Variants in GRIA4 observed in about 807,000 individuals in gnomAD.
The protein encoded by GRIA4 is glutamate receptor 4.
Under a neutral mutation model 104.0 loss-of-function variants are expected in GRIA4, and 34 were observed. The observed-to-expected ratio is 0.33, with a 90% CI of 0.25 to 0.44. The LOEUF is 0.44. Ranked by LOEUF, GRIA4 falls within the 20% of genes least tolerant of loss-of-function variation. The pLI is 1.00. For synonymous variants in GRIA4, 386 were observed against 381.9 expected (o/e 1.01, Z -0.13); for missense variants, 750 against 1,096.5 (o/e 0.68, Z 4.46).
intron 3 of GRIA4, among the ~76,000 whole-genome samples, chr11:105,704,219 A>C (rs750401426): frequency 1.3e-5 from 2 of 152,108 alleles, no homozygotes; most frequent in Non-Finnish European, 1.5e-5. Flanking sequence ...AGTTGTGGGA[A>C]GTGCTAAGAA....
chr11:105,626,939 A>T (rs1276585585), intron 3 of GRIA4, among the ~76,000 whole-genome samples: 1 of 152,198 alleles, frequency 6.6e-6, no homozygotes, highest in Non-Finnish European at 1.5e-5. Context: ...TATTTAGAGG[A>T]GCATAGATAT....
chr11:105,958,442 C>A (rs531815424), intron 14 of GRIA4, among the ~76,000 whole-genome samples: 2 of 152,276 alleles, frequency 1.3e-5, no homozygotes, highest in Non-Finnish European at 2.9e-5. Flanking sequence ...TTGAACCAGC[C>A]TTTCATCCCA....
intron 4 of GRIA4, among the ~76,000 whole-genome samples, chr11:105,773,408 G>A (rs1941303673): frequency 6.6e-6 from 1 of 151,902 alleles, no homozygotes; most frequent in Admixed American, 6.6e-5. Flanking sequence ...TATAATAACT[G>A]AATTCATAAT....
At chr11:105,955,049 AG>A (rs1453571927) in intron 14 of GRIA4, among the ~76,000 whole-genome samples, 1 of 151,740 alleles carries the variant, frequency 6.6e-6, no homozygotes, top group Non-Finnish European at 1.5e-5. Context: ...GATTGCTCTA[AG>A]GGGAATTATT....
chr11:105,735,750 C>T (rs1165059387), intron 3 of GRIA4, among the ~76,000 whole-genome samples: 1 of 152,076 alleles, frequency 6.6e-6, no homozygotes, highest in Non-Finnish European at 1.5e-5. Flanking sequence ...TAGATAGTCT[C>T]TAAAGTCTCA....
intron 3 of GRIA4, among the ~76,000 whole-genome samples, chr11:105,655,931 T>C (rs1190211959): frequency 2.0e-5 from 3 of 152,184 alleles, no homozygotes; most frequent in Non-Finnish European, 4.4e-5. Flanking sequence ...ATGGTTGAAC[T>C]AATTTACACT....
Position 105,688,681 on chromosome 11 carries a change from A to G in GRIA4, c.248-64300A>G, listed in dbSNP as rs145793647. On this transcript the variant is annotated intron_variant, in intron 3 of 16. Coordinates refer to ENST00000282499, the MANE Select transcript of GRIA4 (RefSeq NM_000829.4). Reference sequence around the variant, plus strand: ...CAGAATTGTGTTAAGTGATGCAGACATAAGGGTTAATGAAATAGAGAGGCA... The same window carrying G: ...CAGAATTGTGTTAAGTGATGCAGACGTAAGGGTTAATGAAATAGAGAGGCA... Among the ~76,000 whole-genome samples, 1,220 of 152,330 alleles carry G rather than the reference A, an allele frequency of 8.0e-3. 30 individuals are homozygous for G. Among genetic ancestry groups the G allele is most frequent in the African/African-American group, 0.028 (1,160 of 41,576 alleles).
rs1940956180 is a variant in GRIA4, at chr11:105,766,592, T to G, written c.487+13372T>G. 2.0e-5 allele frequency among the ~76,000 whole-genome samples: 3 copies of G among 152,152 alleles called. 1 individual carries two copies. On this transcript the variant is annotated intron_variant, in intron 4 of 16. Coordinates refer to ENST00000282499, the MANE Select transcript of GRIA4 (RefSeq NM_000829.4). ...TGGGCCTGTGTATATGGCTTAGTTT[T>G]GTTTGACAACTTACACACTTACTAA...
At chr11:105,776,113 C>T (rs200096137) in intron 4 of GRIA4, among the ~76,000 whole-genome samples, 2 of 151,816 alleles carry the variant, frequency 1.3e-5, no homozygotes, top group East Asian at 1.9e-4. Context: ...TTTCCCATTT[C>T]GAAGATAAAG....
intron 12 of GRIA4, 51 bp downstream of exon 12, chr11:105,924,820 T>C (rs779285437): frequency 1.5e-6 from 2 of 1,360,232 alleles, no homozygotes; most frequent in Non-Finnish European, 2.0e-6. Context: ...TAATTCTAAA[T>C]GTTGTGCAGA....
At chr11:105,917,640 G>A (rs577167455) in intron 10 of GRIA4, among the ~76,000 whole-genome samples, 1 of 152,154 alleles carries the variant, frequency 6.6e-6, no homozygotes, top group South Asian at 2.1e-4. Flanking sequence ...AGCCAAAGGT[G>A]GTCACTCCTT....
intron 3 of GRIA4, among the ~76,000 whole-genome samples, chr11:105,665,769 T>C (rs770208039): frequency 7.2e-5 from 11 of 152,068 alleles, no homozygotes; most frequent in Non-Finnish European, 1.5e-4. Context: ...AGCATTCAGA[T>C]AAAATTAGGG....
intron 3 of GRIA4, among the ~76,000 whole-genome samples, chr11:105,721,241 G>A (rs1287309122): frequency 2.0e-5 from 3 of 152,250 alleles, no homozygotes; most frequent in African/African-American, 7.2e-5. Context: ...GAGGTGGAAA[G>A]ATTTTGAAGA....
intron 5 of GRIA4, among the ~76,000 whole-genome samples, chr11:105,866,281 T>G (rs1945402398): frequency 6.6e-6 from 1 of 152,092 alleles, no homozygotes; most frequent in African/African-American, 2.4e-5. Context: ...GAAGTCTTTT[T>G]GATGATTTGT....
chr11:105,890,519 T>G (rs73542814), intron 6 of GRIA4, among the ~76,000 whole-genome samples: 15,128 of 152,220 alleles, frequency 0.099, 780 homozygotes, highest in Middle Eastern at 0.11. Context: ...CTTCTTCAAT[T>G]AACAACCATT....
chr11:105,911,905 T>C lies in GRIA4; in HGVS notation c.1269+1360T>C, dbSNP rs116000289. ...TGATGAAGAATCCTATTTTAAGAAATTGATCAAGAAAGAAAAGAGTTCCGC... is the reference window on the plus strand; with the variant it reads ...TGATGAAGAATCCTATTTTAAGAAACTGATCAAGAAAGAAAAGAGTTCCGC... On this transcript the variant is annotated intron_variant, in intron 10 of 16. Coordinates refer to ENST00000282499, the MANE Select transcript of GRIA4 (RefSeq NM_000829.4). 1.6e-3 allele frequency: 2,501 copies of C among 1,561,908 alleles called. 34 individuals carry two copies. The African/African-American group carries it at 0.03, about 19-fold the overall frequency.
At chr11:105,790,802 C>T (rs554847752) in intron 4 of GRIA4, among the ~76,000 whole-genome samples, 7 of 152,220 alleles carry the variant, frequency 4.6e-5, no homozygotes, top group African/African-American at 1.7e-4. Context: ...AAGAGAAGAG[C>T]TAAGTCTGGA....
chr11:105,939,380 A>C (rs1359160882), intron 14 of GRIA4, among the ~76,000 whole-genome samples: 2 of 152,130 alleles, frequency 1.3e-5, no homozygotes, highest in Non-Finnish European at 2.9e-5. Flanking sequence ...CTCCCACTTC[A>C]AAGGGGATCA....
At chr11:105,725,337 G>A (rs977222463) in intron 3 of GRIA4, among the ~76,000 whole-genome samples, 1 of 152,098 alleles carries the variant, frequency 6.6e-6, no homozygotes, top group African/African-American at 2.4e-5. Context: ...AGGACAAAAA[G>A]ACATGAACAT....
Sources: gnomAD v4.1 joint callset for allele counts (sites outside exome capture counted in the v4.1 genomes callset) on GRCh38, gnomAD v4.1.1 for gene constraint, MANE v1.5 for transcripts, NCBI Gene and HGNC (gene_info 2026-07-23, HGNC 2026-07-21) for gene names.